Variants in SPEF2 observed in about 807,000 individuals in gnomAD.
SPEF2 encodes sperm flagella and cilia-associated protein 2.
Under a neutral mutation model 224.6 loss-of-function variants are expected in SPEF2, and 187 were observed. The observed-to-expected ratio is 0.83, with a 90% confidence interval of 0.74 to 0.94. SPEF2 has a LOEUF of 0.94. Ranked by LOEUF, SPEF2 falls within the 40% of genes least tolerant of loss-of-function variation. SPEF2 has a pLI of 0.00. For synonymous variants in SPEF2, 715 were observed against 707.3 expected, an observed-to-expected ratio of 1.01 and a Z score of -0.17; for missense variants, 2,170 against 2,135.6, an observed-to-expected ratio of 1.02 and a Z score of -0.32.
intron 16 of SPEF2, among the ~76,000 whole-genome samples, chr5:35,701,388 A>G (rs760637601): frequency 6.6e-6 from 1 of 152,172 alleles, no homozygotes; most frequent in African/African-American, 2.4e-5. Flanking sequence ...GTCACAACCT[A>G]TATGATAACA....
intron 7 of SPEF2, among the ~76,000 whole-genome samples, chr5:35,656,143 T>C (rs1036124925): frequency 1.3e-5 from 2 of 152,150 alleles, no homozygotes; most frequent in East Asian, 1.9e-4. Flanking sequence ...TGCTGAGATA[T>C]GGAAGATGGT....
At chr5:35,792,264 T>C in intron 30 of SPEF2, 76 bp from the exon 31 acceptor site, 1 of 1,093,728 alleles carries the variant, frequency 9.1e-7, no homozygotes, top group Non-Finnish European at 1.3e-6. Flanking sequence ...AAAATACTCA[T>C]TGCTTCTATT....
At chr5:35,677,886 T>C (rs574565880) in intron 10 of SPEF2, among the ~76,000 whole-genome samples, 34 of 152,300 alleles carry the variant, frequency 2.2e-4, no homozygotes, top group African/African-American at 7.5e-4. Flanking sequence ...GCCTGATATA[T>C]TAGTAATTTG....
At chr5:35,701,351 A>G (rs1483162351) in intron 16 of SPEF2, among the ~76,000 whole-genome samples, 2 of 152,194 alleles carry the variant, frequency 1.3e-5, no homozygotes, top group Non-Finnish European at 2.9e-5. Flanking sequence ...ACCTTGAGAA[A>G]GTTACCTTAT....
intron 28 of SPEF2, among the ~76,000 whole-genome samples, chr5:35,774,894 A>T (rs1753388812): frequency 6.6e-6 from 1 of 152,200 alleles, no homozygotes; most frequent in Non-Finnish European, 1.5e-5. Context: ...GCATCAGGCA[A>T]GTCCAGGACA....
At position 35,779,213 on chromosome 5, in the gene SPEF2, T is replaced by G. The variant is rs759601306; in HGVS notation, c.4314T>G (p.Asn1438Lys). The stretch of plus-strand genomic sequence containing the variant: ...TAAGCCAAGAAGACTTCTTCATTAA[T>G]GGCAATATAAAAGTCTTCCCAGATC... ...LYLSQEDFFI[N>K]GNIKVFPDPP... The change falls in exon 30 of 37, where the codon AAT (asparagine) becomes AAG (lysine). Residue 1438 changes from asparagine (N) to lysine (K), a missense_variant. By Grantham distance (94) the Asn-to-Lys change is moderately conservative (BLOSUM62 0). Coordinates refer to ENST00000356031, the MANE Select transcript of SPEF2 (RefSeq NM_024867.4). 1.6e-5 allele frequency: 26 copies of G among 1,613,788 alleles called. No individual in the cohort carries two copies. Among genetic ancestry groups the G allele is most frequent in the African/African-American group, 2.7e-5 (2 of 74,922 alleles).
At chr5:35,775,557 A>G (rs545594104) in intron 28 of SPEF2, among the ~76,000 whole-genome samples, 15 of 152,200 alleles carry the variant, frequency 9.9e-5, no homozygotes, top group South Asian at 6.2e-4. Context: ...AGAATGTTCA[A>G]TTCTTCCCTG....
chr5:35,764,145 T>C (rs1480535552), intron 26 of SPEF2, among the ~76,000 whole-genome samples: 1 of 152,174 alleles, frequency 6.6e-6, no homozygotes, highest in African/African-American at 2.4e-5. Flanking sequence ...AAACTACTAA[T>C]TTTAACATGT....
intron 36 of SPEF2, among the ~76,000 whole-genome samples, chr5:35,808,709 C>T (rs4262132): frequency 0.99 from 147,172 of 148,220 alleles, 73,072 homozygotes; most frequent in South Asian, 1. Flanking sequence ...CATATATATA[C>T]ACACACATAT....
intron 28 of SPEF2, 127 bp from the exon 29 acceptor site, chr5:35,776,130 C>G: frequency 1.2e-6 from 1 of 833,690 alleles, no homozygotes; most frequent in Admixed American, 3.2e-5. Flanking sequence ...CTTATCTATT[C>G]TGGTATATTA....
chr5:35,663,720 A>T (rs919106765), intron 8 of SPEF2, among the ~76,000 whole-genome samples: 3 of 152,094 alleles, frequency 2.0e-5, no homozygotes, highest in Non-Finnish European at 4.4e-5. Flanking sequence ...ATATAACATT[A>T]TTTATTTTCC....
intron 23 of SPEF2, among the ~76,000 whole-genome samples, chr5:35,741,938 T>C (rs918799835): frequency 6.6e-6 from 1 of 152,230 alleles, no homozygotes; most frequent in Non-Finnish European, 1.5e-5. Flanking sequence ...TTAAAATATC[T>C]TATTTGGGAT....
intron 3 of SPEF2, chr5:35,643,594 G>T: frequency 2.2e-6 from 1 of 454,818 alleles, no homozygotes; most frequent in South Asian, 1.6e-5. Context: ...GGCCCTCTGG[G>T]GACGGAAAGA....
chr5:35,807,577 C>G, intron 36 of SPEF2: 1 of 1,434,502 alleles, frequency 7.0e-7, no homozygotes, highest in Non-Finnish European at 9.5e-7. Flanking sequence ...CCAAAGAGAA[C>G]TAACCAAGAC....
intron 10 of SPEF2, among the ~76,000 whole-genome samples, chr5:35,688,548 A>C (rs1753988929): frequency 6.6e-6 from 1 of 152,208 alleles, no homozygotes; most frequent in Non-Finnish European, 1.5e-5. Flanking sequence ...TAATGCATAT[A>C]GTACATAGGC....
intron 10 of SPEF2, among the ~76,000 whole-genome samples, chr5:35,677,441 T>C (rs1752184454): frequency 6.6e-6 from 1 of 152,196 alleles, no homozygotes; most frequent in Admixed American, 6.5e-5. Flanking sequence ...AAATCTGATA[T>C]GAAGTCCAGG....
intron 24 of SPEF2, among the ~76,000 whole-genome samples, chr5:35,756,080 T>A (rs1302672277): frequency 2.0e-5 from 3 of 152,190 alleles, no homozygotes; most frequent in Non-Finnish European, 1.5e-5. Context: ...GAAATTTCCA[T>A]AAATAAATAA....
rs150421430 is a variant in SPEF2, at chr5:35,654,572, A to G, written c.824A>G (p.Gln275Arg). The change falls in exon 7 of 37, where the codon CAG becomes CGG. Residue 275 changes from glutamine (Q) to arginine (R), a missense_variant. By Grantham distance (43) the Gln-to-Arg change is conservative (BLOSUM62 1). Transcript: ENST00000356031. ...ASKTSLDTAG[Q>R]TTTDLLNTYS... ...AAGACTTCTTTAGATACAGCAGGCC[A>G]GACAACCACCGATTTGTTAAATACT... The G allele has an allele frequency of 6.3e-5, 101 of 1,606,264 alleles. No homozygotes were observed. In the African/African-American group the frequency reaches 1.3e-3, roughly 21 times the overall value.
intron 30 of SPEF2, chr5:35,781,336 G>A (rs1754309539): frequency 6.6e-6 from 1 of 152,140 alleles, no homozygotes; most frequent in African/African-American, 2.4e-5. Flanking sequence ...CCCTGAAATT[G>A]GTCAGGGAAA....
Sources: allele counts gnomAD v4.1 joint callset (sites outside exome capture counted in the v4.1 genomes callset), GRCh38; gene constraint gnomAD v4.1.1; transcripts MANE v1.5; gene names NCBI Gene and HGNC (gene_info 2026-07-23, HGNC 2026-07-21).